Variants in GALNT10 observed in about 807,000 individuals in gnomAD.
The protein encoded by GALNT10 is polypeptide N-acetylgalactosaminyltransferase 10.
In GALNT10, 41 loss-of-function variants were observed where a neutral mutation model predicts 75.0. That is an observed-to-expected ratio of 0.55 (90% CI 0.43 to 0.71). The LOEUF is 0.71. Among genes scored for constraint, GALNT10 ranks in the 30% least tolerant of loss-of-function variants. The probability of loss-of-function intolerance (pLI) is 0.00; values close to 1 mark genes in which losing one functional copy is unlikely to be tolerated. For synonymous variants in GALNT10, 302 were observed against 313.0 expected (o/e 0.96, Z 0.37); for missense variants, 727 against 818.5 (o/e 0.89, Z 1.36).
intron 1 of GALNT10, among the ~76,000 whole-genome samples, chr5:154,207,497 T>G: frequency 6.6e-6 from 1 of 152,090 alleles, no homozygotes; most frequent in East Asian, 1.9e-4. Flanking sequence ...ACTAAACAGG[T>G]CAAGTCAGAG....
chr5:154,311,383 G>T (rs1754515335), intron 3 of GALNT10, among the ~76,000 whole-genome samples: 1 of 152,004 alleles, frequency 6.6e-6, no homozygotes, highest in African/African-American at 2.4e-5. Context: ...CAACTATTTT[G>T]TGGTTTAGCC....
At chr5:154,308,108 A>G (rs188284853) in intron 3 of GALNT10, among the ~76,000 whole-genome samples, 18 of 151,102 alleles carry the variant, frequency 1.2e-4, no homozygotes, top group Middle Eastern at 3.4e-3. Flanking sequence ...ATCACTGCAA[A>G]TAGTAGCCAC....
chr5:154,413,073 C>A, intron 10 of GALNT10, 68 bp downstream of exon 10: 2 of 988,952 alleles, frequency 2.0e-6, no homozygotes, highest in Non-Finnish European at 1.6e-6. Flanking sequence ...GGTGCTGACA[C>A]GGCCAGCTGG....
intron 7 of GALNT10, among the ~76,000 whole-genome samples, chr5:154,397,421 C>A (rs74797381): frequency 6.6e-6 from 1 of 152,160 alleles, no homozygotes; most frequent in Admixed American, 6.5e-5. Context: ...GGATAGCTCA[C>A]GGTGTCCTCT....
Position 154,294,883 on chromosome 5 carries a change from A to C in GALNT10, c.227A>C (p.Asp76Ala). The change falls in exon 2 of 12, where the codon GAC (aspartate) becomes GCC (alanine). Residue 76 changes from aspartate to alanine, a missense_variant. Asp to Ala is a moderately radical substitution (Grantham distance 126). Transcript: ENST00000297107. ...GDGQKLKDWH[D>A]KEAIRRDAQR... is the part of the protein sequence containing the mutation. ...GGGCAGAAGCTGAAGGACTGGCATG[A>C]CAAGGAGGCCATCCGGAGGGACGCT... 6 of 1,603,456 alleles carry C rather than the reference A, an allele frequency of 3.7e-6. No individual in the cohort carries two copies. Among genetic ancestry groups the C allele is most frequent in the Non-Finnish European group, 5.1e-6 (6 of 1,170,214 alleles).
intron 1 of GALNT10, among the ~76,000 whole-genome samples, chr5:154,231,465 G>A (rs1266132127): frequency 1.3e-5 from 2 of 152,176 alleles, no homozygotes; most frequent in African/African-American, 4.8e-5. Context: ...TTTTCCTGAT[G>A]TATGGGTTAT....
intron 1 of GALNT10, among the ~76,000 whole-genome samples, chr5:154,247,862 G>T (rs1241919862): frequency 6.6e-6 from 1 of 152,200 alleles, no homozygotes; most frequent in African/African-American, 2.4e-5. Flanking sequence ...AATAGGAGTG[G>T]TGAGAGAGGG....
intron 1 of GALNT10, among the ~76,000 whole-genome samples, chr5:154,194,332 A>G (rs536896301): frequency 9.2e-5 from 14 of 152,242 alleles, no homozygotes; most frequent in Non-Finnish European, 1.9e-4. Flanking sequence ...CTGGTGGCAG[A>G]AGCCTTGCCC....
intron 1 of GALNT10, among the ~76,000 whole-genome samples, chr5:154,283,706 T>A (rs1754075025): frequency 6.6e-6 from 1 of 152,124 alleles, no homozygotes; most frequent in South Asian, 2.1e-4. Flanking sequence ...GGGACTACCA[T>A]CAGTCACATG....
At position 154,419,052 on chromosome 5, in the gene GALNT10, C is replaced by G. The variant is rs1482238770; in HGVS notation, c.*2080C>G. The G allele has an allele frequency of 1.3e-5, 2 of 152,284 alleles. No individual in the cohort carries two copies. 9.4% of individuals were successfully genotyped at this position (152,284 alleles called of 1,614,324 possible). A position where few individuals can be genotyped will look rare whatever the true frequency, so the allele number is the denominator to read the frequency against. On this transcript the variant is annotated 3_prime_UTR_variant, in exon 12 of 12. Coordinates refer to ENST00000297107, the MANE Select transcript of GALNT10 (RefSeq NM_198321.4). ...ACTTGAACCATTTCCTAGTGCCTTG[C>G]TAGACAAACATAAAGGGGCAGGGTT...
chr5:154,316,992 C>T (rs1754602184), intron 3 of GALNT10, among the ~76,000 whole-genome samples: 1 of 152,210 alleles, frequency 6.6e-6, no homozygotes, highest in South Asian at 2.1e-4. Context: ...CTACTTATCC[C>T]TCCCCATGGC....
chr5:154,292,812 C>T (rs1228313213), intron 1 of GALNT10, among the ~76,000 whole-genome samples: 1 of 152,156 alleles, frequency 6.6e-6, no homozygotes, highest in Non-Finnish European at 1.5e-5. Context: ...GCAGAGCAAG[C>T]CCCTACTCTC....
intron 1 of GALNT10, among the ~76,000 whole-genome samples, chr5:154,251,190 C>T (rs1753515064): frequency 6.6e-6 from 1 of 152,082 alleles, no homozygotes; most frequent in South Asian, 2.1e-4. Flanking sequence ...TTCTTGTGCC[C>T]CTTCTGATCA....
intron 1 of GALNT10, among the ~76,000 whole-genome samples, chr5:154,244,462 G>C (rs1753389845): frequency 6.6e-6 from 1 of 152,084 alleles, no homozygotes; most frequent in Admixed American, 6.6e-5. Flanking sequence ...AAAGTGAGAT[G>C]AGATTCCAAC....
At position 154,411,526 on chromosome 5, in the gene GALNT10, A is replaced by C. The variant is rs190324030; in HGVS notation, c.1387-1363A>C. The stretch of plus-strand genomic sequence containing the variant: ...CGCGTGAGGAGCAGTAGCCCCATGG[A>C]AAGTCAGGGTGGTGTTACCAGAGGA... On this transcript the variant is annotated intron_variant, in intron 9 of 11. Transcript: ENST00000297107. Among the ~76,000 whole-genome samples the C allele has an allele frequency of 5.4e-3, 818 of 152,268 alleles. 5 individuals carry two copies. Among genetic ancestry groups the C allele is most frequent in the African/African-American group, 0.019 (785 of 41,544 alleles).
chr5:154,260,926 G>A (rs1753690276), intron 1 of GALNT10, among the ~76,000 whole-genome samples: 1 of 152,162 alleles, frequency 6.6e-6, no homozygotes, highest in African/African-American at 2.4e-5. Flanking sequence ...CACGTTAAAG[G>A]GAATGTATAA....
intron 6 of GALNT10, among the ~76,000 whole-genome samples, chr5:154,383,068 C>T (rs1561677736): frequency 6.6e-6 from 1 of 152,206 alleles, no homozygotes; most frequent in Non-Finnish European, 1.5e-5. Flanking sequence ...TTTTAAAGCT[C>T]CCAGGTGATG....
At chr5:154,390,359 A>G (rs1270865931) in intron 7 of GALNT10, among the ~76,000 whole-genome samples, 1 of 152,216 alleles carries the variant, frequency 6.6e-6, no homozygotes, top group African/African-American at 2.4e-5. Flanking sequence ...CCCGACAAGA[A>G]TAGTGACTAT....
At chr5:154,371,258 G>A (rs1457964338) in intron 4 of GALNT10, among the ~76,000 whole-genome samples, 1 of 152,066 alleles carries the variant, frequency 6.6e-6, no homozygotes, top group Non-Finnish European at 1.5e-5. Flanking sequence ...ACCAGCCATT[G>A]GATGAGTGCC....
Sources: gnomAD v4.1 joint callset for allele counts (sites outside exome capture counted in the v4.1 genomes callset) on GRCh38, gnomAD v4.1.1 for gene constraint, MANE v1.5 for transcripts, NCBI Gene and HGNC (gene_info 2026-07-23, HGNC 2026-07-21) for gene names.